FMN2: variants seen among roughly 807,000 people sequenced by gnomAD.
The protein encoded by FMN2 is formin-2.
In FMN2, 51 loss-of-function variants were observed where a neutral mutation model predicts 142.3. The ratio of observed to expected loss-of-function variants is 0.36; its 90% confidence interval spans 0.29 to 0.45. The LOEUF is 0.45. Among genes scored for constraint, FMN2 ranks in the 20% least tolerant of loss-of-function variants. FMN2 has a pLI of 1.00. For missense variants in FMN2, 1,936 were observed against 2,122.8 expected, an observed-to-expected ratio of 0.91 and a Z score of 1.73; for synonymous variants, 882 against 869.8, an observed-to-expected ratio of 1.01 and a Z score of -0.25.
intron 2 of FMN2, among the ~76,000 whole-genome samples, chr1:240,126,988 C>T (rs1422498133): frequency 6.6e-6 from 1 of 152,054 alleles, no homozygotes; most frequent in African/African-American, 2.4e-5. Context: ...CCAGGCAGCT[C>T]CCAGGGCAAG....
At chr1:240,189,456 T>C (rs1182166204) in intron 4 of FMN2, among the ~76,000 whole-genome samples, 1 of 152,226 alleles carries the variant, frequency 6.6e-6, no homozygotes, top group African/African-American at 2.4e-5. Context: ...CATAGGGTTC[T>C]TCTCTGTAAA....
At chr1:240,378,979 A>T (rs916931956) in intron 14 of FMN2, among the ~76,000 whole-genome samples, 4 of 152,056 alleles carry the variant, frequency 2.6e-5, no homozygotes, top group African/African-American at 9.7e-5. Flanking sequence ...CGCTTTCCTG[A>T]TACTTGGTTG....
At chr1:240,104,405 A>G (rs959169176) in intron 1 of FMN2, among the ~76,000 whole-genome samples, 1 of 152,046 alleles carries the variant, frequency 6.6e-6, no homozygotes, top group Non-Finnish European at 1.5e-5. Flanking sequence ...TCAGAGAAAA[A>G]AAGAATCCAT....
rs186684869 is a variant in FMN2, at chr1:240,322,711, C to T, written c.4216-6365C>T. Among the ~76,000 whole-genome samples, 135 of 152,232 alleles carry T rather than the reference C, an allele frequency of 8.9e-4. No homozygotes were observed. The Middle Eastern group carries it at 0.014, about 15-fold the overall frequency. ...AGCCTTTCAGACCGAGGAATCCACA[C>T]GTGGAAGGGCACTGTGGGGGATGGA... On this transcript the variant is annotated intron_variant, in intron 8 of 17. Transcript: ENST00000319653.
intron 1 of FMN2, among the ~76,000 whole-genome samples, chr1:240,106,939 C>A (rs1486676456): frequency 6.6e-6 from 1 of 151,806 alleles, no homozygotes; most frequent in Admixed American, 6.6e-5. Flanking sequence ...CCGCCTCAGC[C>A]TCCCAAAGTG....
intron 8 of FMN2, among the ~76,000 whole-genome samples, chr1:240,298,037 CCAT>C (rs1670050456): frequency 1.3e-5 from 2 of 152,128 alleles, no homozygotes. Flanking sequence ...TACCTTGATA[CCAT>C]CATCCTGGGG....
chr1:240,226,340 C>T (rs1667297309), intron 6 of FMN2, among the ~76,000 whole-genome samples: 1 of 152,142 alleles, frequency 6.6e-6, no homozygotes, highest in Non-Finnish European at 1.5e-5. Flanking sequence ...ATACTAACAG[C>T]AGACTTATCA....
rs373583495 is a variant in FMN2, at chr1:240,188,270, G to A, written c.1986+8G>A. On this transcript the variant is annotated splice_region_variant and intron_variant, in intron 4 of 17. Coordinates refer to ENST00000319653, the MANE Select transcript of FMN2 (RefSeq NM_020066.5). ...TCAGATGCTGTCCAGAAGGTAAGATGATCTTATTAGGATGTCAGATTCCCA... is the reference window on the plus strand; with the variant it reads ...TCAGATGCTGTCCAGAAGGTAAGATAATCTTATTAGGATGTCAGATTCCCA... 8 of 1,612,316 alleles carry A rather than the reference G, an allele frequency of 5.0e-6. No homozygotes were observed. The highest frequency in any genetic ancestry group is 6.8e-6 in the Non-Finnish European group (8 of 1,178,734).
chr1:240,091,965 G>T lies in FMN2; in HGVS notation c.-145G>T. ...CGGCAGATGCGAGCGGGGCCAGCCG[G>T]GCGCGCGTCGGCCTCCCCTCCCAGC... On this transcript the variant is annotated 5_prime_UTR_variant, in exon 1 of 18. Coordinates refer to ENST00000319653, the MANE Select transcript of FMN2 (RefSeq NM_020066.5). 1 of 1,316,840 alleles carries T rather than the reference G, an allele frequency of 7.6e-7. No individual in the cohort carries two copies. The highest frequency in any genetic ancestry group is 1.8e-5 in the South Asian group (1 of 54,140). The allele number at this position is 1,316,840 out of a possible 1,614,324, so 81.6% of individuals were successfully genotyped here.
chr1:240,404,330 C>G (rs1214756081), intron 15 of FMN2, among the ~76,000 whole-genome samples: 4 of 152,164 alleles, frequency 2.6e-5, no homozygotes, highest in African/African-American at 9.7e-5. Flanking sequence ...GGCATATTTT[C>G]CAGAATCTTT....
In FMN2 at chr1:240,311,087, A is replaced by G. The variant is rs78942876; in HGVS notation, c.4215+16204A>G. 7.7e-3 allele frequency among the ~76,000 whole-genome samples: 1,179 copies of G among 152,136 alleles called. 17 individuals carry two copies. The highest frequency in any genetic ancestry group is 0.026 in the African/African-American group (1,094 of 41,516). On this transcript the variant is annotated intron_variant, in intron 8 of 17. Transcript: ENST00000319653. ...CAGTTCTAATCCAATTAGAAGGAAG[A>G]AAAAAAAGCAGGTAAAGTAGAAAGA...
At position 240,207,067 on chromosome 1, in the gene FMN2, G is replaced by T. The variant is rs1226173382; in HGVS notation, c.2255G>T (p.Gly752Val). The T allele has an allele frequency of 6.2e-7, 1 of 1,614,136 alleles. No individual in the cohort carries two copies. Among genetic ancestry groups the T allele is most frequent in the Non-Finnish European group, 8.5e-7 (1 of 1,180,004 alleles). Residue 752 changes from glycine (G) to valine (V), a missense_variant, in exon 5 of 18, where the codon GGC becomes GTC. Gly to Val is a moderately radical substitution (Grantham distance 109). Coordinates refer to ENST00000319653, the MANE Select transcript of FMN2 (RefSeq NM_020066.5). The part of the protein sequence containing the change: ...KSIQTSPTEE[G>V]GVLTLPPVDG... ...ATACAGACTTCCCCCACGGAAGAGG[G>T]CGGGGTGCTGACACTGCCTCCTGTG...
At chr1:240,456,479 G>A (rs918253380) in intron 16 of FMN2, among the ~76,000 whole-genome samples, 4 of 151,976 alleles carry the variant, frequency 2.6e-5, no homozygotes, top group Admixed American at 2.0e-4. Flanking sequence ...TATTTGAGAC[G>A]GAGTTTCGCT....
intron 2 of FMN2, among the ~76,000 whole-genome samples, chr1:240,159,886 G>T (rs12135164): frequency 0.28 from 37,481 of 135,034 alleles, 5,763 homozygotes; most frequent in Admixed American, 0.38. Flanking sequence ...TACATGGAGA[G>T]ATATATATAT....
chr1:240,185,198 A>G, intron 3 of FMN2, among the ~76,000 whole-genome samples: 1 of 144,330 alleles, frequency 6.9e-6, no homozygotes, highest in Non-Finnish European at 1.5e-5. Context: ...TCTCCCTCCT[A>G]TACCTTTTTC....
chr1:240,339,723 G>A (rs1426322845), intron 13 of FMN2, among the ~76,000 whole-genome samples: 2 of 152,032 alleles, frequency 1.3e-5, no homozygotes, highest in Admixed American at 6.6e-5. Flanking sequence ...GTAGGTAGGT[G>A]TTTATTGCAT....
At chr1:240,329,617 T>A in intron 10 of FMN2, 149 bp downstream of exon 10, 1 of 1,096,840 alleles carries the variant, frequency 9.1e-7, no homozygotes, top group Non-Finnish European at 1.3e-6. Context: ...ATTTTATGAT[T>A]GACCTTCAAG....
At chr1:240,322,200 TA>T (rs35145235) in intron 8 of FMN2, among the ~76,000 whole-genome samples, 83,685 of 151,518 alleles carry the variant, frequency 0.55, 24,087 homozygotes, top group African/African-American at 0.72. Flanking sequence ...TACTATGGTT[TA>T]AAAAAAAATC....
intron 8 of FMN2, among the ~76,000 whole-genome samples, chr1:240,311,447 ACT>A (rs1670602952): frequency 6.6e-6 from 1 of 152,056 alleles, no homozygotes; most frequent in African/African-American, 2.4e-5. Flanking sequence ...TTAAAACCAT[ACT>A]CTCAAATTTC....
Sources: allele counts gnomAD v4.1 joint callset (sites outside exome capture counted in the v4.1 genomes callset), GRCh38; gene constraint gnomAD v4.1.1; transcripts MANE v1.5; gene names NCBI Gene and HGNC (gene_info 2026-07-23, HGNC 2026-07-21).